Variants in KCNN2 observed in about 807,000 individuals in gnomAD.
KCNN2 encodes the protein small conductance calcium-activated potassium channel protein 2.
KCNN2 carries 24 observed loss-of-function variants against 55.5 expected under a neutral mutation model. The observed-to-expected ratio is 0.43, with a 90% CI of 0.31 to 0.61. The LOEUF (loss-of-function observed/expected upper bound fraction) is 0.61. KCNN2 is among the 20% of genes least tolerant of loss of function. The pLI is 0.08. For synonymous variants in KCNN2, 431 were observed against 336.1 expected, an observed-to-expected ratio of 1.28 and a Z score of -3.09; for missense variants, 754 against 853.6, an observed-to-expected ratio of 0.88 and a Z score of 1.45.
chr5:114,258,403 A>C (rs1261495003), intron 2 of KCNN2, among the ~76,000 whole-genome samples: 3 of 152,060 alleles, frequency 2.0e-5, no homozygotes, highest in Non-Finnish European at 4.4e-5. Flanking sequence ...TGGGGGAACG[A>C]TTTTGGTAGG....
At chr5:114,454,955 C>T (rs1760855617) in intron 3 of KCNN2, among the ~76,000 whole-genome samples, 1 of 152,176 alleles carries the variant, frequency 6.6e-6, no homozygotes, top group South Asian at 2.1e-4. Flanking sequence ...ATGTAAATCT[C>T]TCCTGTTGCT....
chr5:114,463,428 A>T (rs1761299728), intron 4 of KCNN2, among the ~76,000 whole-genome samples: 1 of 152,224 alleles, frequency 6.6e-6, no homozygotes, highest in Admixed American at 6.5e-5. Flanking sequence ...GGCATGCACT[A>T]ATTTGATAAA....
At chr5:114,153,095 G>A (rs1752558391) in intron 1 of KCNN2, among the ~76,000 whole-genome samples, 2 of 152,174 alleles carry the variant, frequency 1.3e-5, no homozygotes, top group African/African-American at 4.8e-5. Flanking sequence ...TGGACAGAAT[G>A]TGGTATCATT....
At chr5:114,207,075 A>G (rs1292577146) in intron 1 of KCNN2, among the ~76,000 whole-genome samples, 1 of 152,168 alleles carries the variant, frequency 6.6e-6, no homozygotes, top group East Asian at 1.9e-4. Flanking sequence ...GTGTGCATCT[A>G]CAGTGGATCG....
chr5:114,079,844 T>TGTGTGA (rs760369459), intron 1 of KCNN2, among the ~76,000 whole-genome samples: 54 of 149,540 alleles, frequency 3.6e-4, no homozygotes, highest in Admixed American at 4.7e-4. Flanking sequence ...TGTGTGTGTG[T>TGTGTGA]GAGAGAGAGA....
At position 114,103,012 on chromosome 5, in the gene KCNN2, A is replaced by G. The variant is rs754031743; in HGVS notation, c.-271+46512A>G. ...GCTTGATGGGAATAGCATTGAATCT[A>G]TAGATTACTTTGGGCAGTATGGCCA... is the stretch of plus-strand genomic sequence containing the variant. On this transcript the variant is annotated intron_variant, in intron 1 of 10. Coordinates refer to the KCNN2 transcript ENST00000512097. Among the ~76,000 whole-genome samples the G allele has an allele frequency of 3.3e-5, 5 of 152,116 alleles. No individual in the cohort carries two copies. In the East Asian group the frequency reaches 5.8e-4, roughly 18 times the overall value.
At chr5:114,365,283 A>C (rs1336494743) in intron 2 of KCNN2, among the ~76,000 whole-genome samples, 6 of 152,166 alleles carry the variant, frequency 3.9e-5, no homozygotes, top group Non-Finnish European at 7.3e-5. Context: ...AAATTACAAA[A>C]CTGCACTGAC....
chr5:114,442,651 C>T (rs1760260520), intron 3 of KCNN2, among the ~76,000 whole-genome samples: 2 of 152,054 alleles, frequency 1.3e-5, no homozygotes, highest in East Asian at 1.9e-4. Context: ...GAATGGCAAA[C>T]GACGGAAGAC....
chr5:114,350,281 T>A (rs1057480547), intron 2 of KCNN2, among the ~76,000 whole-genome samples: 1 of 151,938 alleles, frequency 6.6e-6, no homozygotes, highest in African/African-American at 2.4e-5. Context: ...TCTTACCTTT[T>A]AGTTATCTTG....
At chr5:114,131,497 T>C (rs1325535677) in intron 1 of KCNN2, among the ~76,000 whole-genome samples, 3 of 152,364 alleles carry the variant, frequency 2.0e-5, no homozygotes, top group South Asian at 4.1e-4. Context: ...CCATGGTGTA[T>C]GTGTACCACA....
chr5:114,224,237 G>T (rs1754199622), intron 2 of KCNN2, among the ~76,000 whole-genome samples: 1 of 151,958 alleles, frequency 6.6e-6, no homozygotes, highest in African/African-American at 2.4e-5. Context: ...ATGAATATGG[G>T]GAAAAACAAA....
intron 2 of KCNN2, among the ~76,000 whole-genome samples, chr5:114,321,855 A>G (rs1456545441): frequency 6.6e-6 from 1 of 152,044 alleles, no homozygotes; most frequent in Non-Finnish European, 1.5e-5. Context: ...TTTTTAGTAG[A>G]GACGGGGTTT....
Position 114,362,712 on chromosome 5 carries a change from G to T in KCNN2, c.573G>T (p.Pro191=). ...PLSHHHHHPH[P]AHHQHHQPQA... is the part of the protein sequence containing the mutation. ...CGCACCACCACCACCACCCGCACCC[G>T]GCGCACCACCAGCACCACCAGCCCC... Residue 191 remains proline, a synonymous_variant, in exon 1 of 8, where the codon CCG becomes CCT. Transcript: ENST00000673685. 1 of 1,497,814 alleles carries T rather than the reference G, an allele frequency of 6.7e-7. No homozygotes were observed. The highest frequency in any genetic ancestry group is 8.8e-7 in the Non-Finnish European group (1 of 1,132,920). 92.8% of individuals were successfully genotyped at this position (1,497,814 alleles called of 1,614,324 possible).
At chr5:114,444,542 G>A (rs1342037659) in intron 3 of KCNN2, among the ~76,000 whole-genome samples, 1 of 152,122 alleles carries the variant, frequency 6.6e-6, no homozygotes, top group East Asian at 1.9e-4. Flanking sequence ...AGGCCAAAAA[G>A]AATGCTCAAT....
At chr5:114,229,200 T>A (rs1479305684) in intron 2 of KCNN2, among the ~76,000 whole-genome samples, 1 of 151,896 alleles carries the variant, frequency 6.6e-6, no homozygotes, top group African/African-American at 2.4e-5. Flanking sequence ...CATATGATAA[T>A]GATTTCTTCT....
intron 2 of KCNN2, among the ~76,000 whole-genome samples, chr5:114,271,603 A>C (rs1317305289): frequency 6.6e-6 from 1 of 152,204 alleles, no homozygotes; most frequent in African/African-American, 2.4e-5. Context: ...CAGGAAATTT[A>C]AGTTTTCAGT....
At chr5:114,313,948 G>A (rs1167078614) in intron 2 of KCNN2, among the ~76,000 whole-genome samples, 1 of 151,644 alleles carries the variant, frequency 6.6e-6, no homozygotes, top group Non-Finnish European at 1.5e-5. Flanking sequence ...GTGTTTTTTT[G>A]TTGTTATTGA....
chr5:114,237,563 C>T (rs114767367), intron 2 of KCNN2, among the ~76,000 whole-genome samples: 4,541 of 152,128 alleles, frequency 0.03, 231 homozygotes, highest in African/African-American at 0.1. Context: ...GTAGATCCCC[C>T]GCCATGACTA....
chr5:114,402,772 G>T (rs1206083312), intron 2 of KCNN2, among the ~76,000 whole-genome samples: 1 of 152,222 alleles, frequency 6.6e-6, no homozygotes, highest in Non-Finnish European at 1.5e-5. Context: ...CAGGTGGGTG[G>T]TGGCCATAGG....
Sources: allele counts gnomAD v4.1 joint callset (sites outside exome capture counted in the v4.1 genomes callset), GRCh38; gene constraint gnomAD v4.1.1; transcripts MANE v1.5; gene names NCBI Gene and HGNC (gene_info 2026-07-23, HGNC 2026-07-21).